Variants in JAKMIP3 observed in about 807,000 individuals in gnomAD.
JAKMIP3 encodes Janus kinase and microtubule interacting protein 3, also known as janus kinase and microtubule-interacting protein 3.
Under a neutral mutation model 118.5 loss-of-function variants are expected in JAKMIP3, and 58 were observed. The ratio of observed to expected loss-of-function variants is 0.49; its 90% confidence interval spans 0.40 to 0.61. The LOEUF is 0.61. JAKMIP3 is among the 20% of genes least tolerant of loss of function. JAKMIP3 has a pLI of 0.00. For synonymous variants in JAKMIP3, 486 were observed against 451.2 expected, an observed-to-expected ratio of 1.08 and a Z score of -0.98; for missense variants, 950 against 1,109.0, an observed-to-expected ratio of 0.86 and a Z score of 2.04.
Position 132,150,007 on chromosome 10 carries a change from A to G in JAKMIP3, c.1973A>G (p.Lys658Arg). 1 of 1,591,052 alleles carries G rather than the reference A, an allele frequency of 6.3e-7. No homozygotes were observed. Among genetic ancestry groups the G allele is most frequent in the Non-Finnish European group, 8.5e-7 (1 of 1,172,724 alleles). Residue 658 changes from lysine (K) to arginine (R), a missense_variant, in exon 16 of 24, where the codon AAG becomes AGG. Transcript: ENST00000684848. Reference sequence around the variant, plus strand: ...GACATTGTGGTTGCGGAGCTGATGAAGAAGCTGGACATCCTGGGCGATAAC... The same window carrying G: ...GACATTGTGGTTGCGGAGCTGATGAGGAAGCTGGACATCCTGGGCGATAAC... ...VTDIVVAELM[K>R]KLDILGDNAV...
chr10:132,124,495 A>G (rs1490234825), intron 3 of JAKMIP3, among the ~76,000 whole-genome samples: 2 of 146,808 alleles, frequency 1.4e-5, no homozygotes, highest in Non-Finnish European at 3.0e-5. Flanking sequence ...ACACACATCC[A>G]TTGCCACGCG....
intron 17 of JAKMIP3, 54 bp downstream of exon 17, chr10:132,153,077 G>T: frequency 7.1e-7 from 1 of 1,408,864 alleles, no homozygotes; most frequent in South Asian, 1.2e-5. Context: ...GGGGTCTCCT[G>T]CCCTGCTCAG....
chr10:132,126,001 C>T (rs11146195), intron 3 of JAKMIP3, among the ~76,000 whole-genome samples: 40,177 of 152,050 alleles, frequency 0.26, 5,623 homozygotes, highest in Non-Finnish European at 0.32. Context: ...CATGGGCTCA[C>T]GCAGTCCTCC....
At chr10:132,166,543 G>A (rs1237042691) in intron 21 of JAKMIP3, among the ~76,000 whole-genome samples, 12 of 152,286 alleles carry the variant, frequency 7.9e-5, no homozygotes, top group Admixed American at 7.8e-4. Flanking sequence ...TCACAGGCCT[G>A]CTTTTGTTTG....
At chr10:132,052,424 T>A (rs1290917550) in intron 1 of JAKMIP3, among the ~76,000 whole-genome samples, 1 of 152,204 alleles carries the variant, frequency 6.6e-6, no homozygotes, top group African/African-American at 2.4e-5. Flanking sequence ...TTATTTTGAA[T>A]CTTCAGATTG....
chr10:132,164,567 C>A, intron 20 of JAKMIP3, 103 bp from the exon 21 acceptor site: 1 of 772,638 alleles, frequency 1.3e-6, no homozygotes, highest in Non-Finnish European at 2.2e-6. Context: ...ATGCCAGCTG[C>A]TCTGCGACGA....
At position 132,134,927 on chromosome 10, in the gene JAKMIP3, G is replaced by A. The variant is rs1027979876; in HGVS notation, c.850-114G>A. 1.6e-5 allele frequency: 21 copies of A among 1,327,116 alleles called. No homozygotes were observed. The Admixed American group carries it at 1.7e-4, about 11-fold the overall frequency. The allele number at this position is 1,327,116 out of a possible 1,614,324, so 82.2% of individuals were successfully genotyped here. A position where few individuals can be genotyped will look rare whatever the true frequency, so the allele number is the denominator to read the frequency against. The stretch of plus-strand genomic sequence containing the variant: ...CGAACCTTCCCGGCAGCCGCGTGGA[G>A]GTAAAGGCGCGCGTCCCACGGCAGC... On this transcript the variant is annotated intron_variant, in intron 4 of 23. Transcript: ENST00000684848.
chr10:132,159,682 A>ATGCTGGGGGGCCTCTCCCTG (rs1564981995), intron 19 of JAKMIP3, among the ~76,000 whole-genome samples: 2 of 40,382 alleles, frequency 5.0e-5, no homozygotes, highest in Non-Finnish European at 9.8e-5. Context: ...TCCTCTCCCT[A>ATGCTGGGGGGCCTCTCCCTG]TGTGATGCTC....
chr10:132,180,803 A>ATGCAT (rs2061328659), intron 23 of JAKMIP3, among the ~76,000 whole-genome samples: 1 of 129,106 alleles, frequency 7.7e-6, no homozygotes. Flanking sequence ...ATGTGCTGTG[A>ATGCAT]GTGGTGTGTT....
At chr10:132,050,261 G>A (rs538512968) in intron 1 of JAKMIP3, among the ~76,000 whole-genome samples, 148 of 152,290 alleles carry the variant, frequency 9.7e-4, no homozygotes, top group African/African-American at 3.4e-3. Context: ...CGCGCTGCCC[G>A]TTAACAGGGT....
intron 1 of JAKMIP3, among the ~76,000 whole-genome samples, chr10:132,057,436 G>C (rs1019377743): frequency 2.0e-5 from 3 of 152,222 alleles, no homozygotes; most frequent in African/African-American, 7.2e-5. Flanking sequence ...GCCGCCGACT[G>C]CCTTGCCACT....
chr10:132,164,612 G>A (rs940691252), intron 20 of JAKMIP3, 58 bp from the exon 21 acceptor site: 11 of 1,119,008 alleles, frequency 9.8e-6, no homozygotes, highest in Non-Finnish European at 1.5e-5. Context: ...AATCTTGAAG[G>A]ATTTGGGTTT....
chr10:132,108,099 C>T (rs1214567660), intron 2 of JAKMIP3, among the ~76,000 whole-genome samples: 1 of 152,196 alleles, frequency 6.6e-6, no homozygotes, highest in Non-Finnish European at 1.5e-5. Context: ...GGCGTTGCTC[C>T]TTCCTGCAGA....
chr10:132,099,187 G>C (rs1041370494), intron 1 of JAKMIP3, among the ~76,000 whole-genome samples: 2 of 152,104 alleles, frequency 1.3e-5, no homozygotes, highest in Non-Finnish European at 2.9e-5. Flanking sequence ...TAAACAGCCC[G>C]ACAGGGACAG....
At chr10:132,131,158 G>A (rs2050491096) in intron 3 of JAKMIP3, among the ~76,000 whole-genome samples, 1 of 151,712 alleles carries the variant, frequency 6.6e-6, no homozygotes, top group East Asian at 1.9e-4. Flanking sequence ...GGTGGGGAAG[G>A]CAACAGAGGG....
intron 1 of JAKMIP3, among the ~76,000 whole-genome samples, chr10:132,057,862 G>T (rs1400014911): frequency 6.6e-6 from 1 of 152,178 alleles, no homozygotes. Flanking sequence ...AGTGGTTTTG[G>T]ATCAGATACA....
chr10:132,153,709 G>A (rs1231772960), intron 17 of JAKMIP3, 50 bp from the exon 18 acceptor site: 6 of 1,578,016 alleles, frequency 3.8e-6, no homozygotes, highest in Non-Finnish European at 1.7e-6. Context: ...CCACGAGCCG[G>A]GGTGGGGGAC....
chr10:132,109,685 T>C (rs891276221), intron 2 of JAKMIP3, among the ~76,000 whole-genome samples: 3 of 151,946 alleles, frequency 2.0e-5, no homozygotes, highest in Non-Finnish European at 4.4e-5. Flanking sequence ...ATAAATGGAA[T>C]ATCCCATCTG....
intron 3 of JAKMIP3, among the ~76,000 whole-genome samples, chr10:132,122,197 G>A (rs1224044569): frequency 1.3e-5 from 2 of 152,162 alleles, no homozygotes; most frequent in Admixed American, 6.5e-5. Context: ...CGGCTCCCCG[G>A]CTGTCGGGGC....
Sources: gnomAD v4.1 joint callset for allele counts (sites outside exome capture counted in the v4.1 genomes callset) on GRCh38, gnomAD v4.1.1 for gene constraint, MANE v1.5 for transcripts, NCBI Gene and HGNC (gene_info 2026-07-23, HGNC 2026-07-21) for gene names.